The following RPH3AL variants were observed in gnomAD, a reference collection of about 807,000 sequenced individuals.
RPH3AL encodes rabphilin 3A like (without C2 domains), also known as rab effector Noc2.
A neutral mutation model predicts 43.1 loss-of-function variants in RPH3AL; 38 were observed. The ratio of observed to expected loss-of-function variants is 0.88; its 90% CI spans 0.68 to 1.15. The LOEUF is 1.15. Among genes scored for constraint, RPH3AL ranks in the 50% most tolerant of loss-of-function variants. The pLI is 0.00. For missense variants in RPH3AL, 462 were observed against 423.2 expected (o/e 1.09, Z -0.81); for synonymous variants, 189 against 176.3 (o/e 1.07, Z -0.57).
chr17:265,654 C>T (rs2042303056), intron 6 of RPH3AL, among the ~76,000 whole-genome samples: 2 of 152,214 alleles, frequency 1.3e-5, no homozygotes, highest in Admixed American at 6.5e-5. Flanking sequence ...ATAACTCTTT[C>T]CTCATTATTT....
chr17:233,307 CT>C (rs1428499275), intron 7 of RPH3AL, among the ~76,000 whole-genome samples: 1 of 152,132 alleles, frequency 6.6e-6, no homozygotes, highest in Non-Finnish European at 1.5e-5. Context: ...GACACGACCG[CT>C]GGGAGAGAAC....
In RPH3AL at chr17:245,708, C is replaced by T. The variant is rs2041748492; in HGVS notation, c.613+1403G>A. 6.6e-6 allele frequency among the ~76,000 whole-genome samples: 1 copy of T among 152,074 alleles called. No individual in the cohort carries two copies. Among genetic ancestry groups the T allele is most frequent in the Non-Finnish European group, 1.5e-5 (1 of 68,018 alleles). ...CTGAGGTCCAAGGGTGGCAGAGGGA[C>T]CAGGTGGAGGACCGCCACTTCTCCA... On this transcript the variant is annotated intron_variant, in intron 7 of 9. Transcript: ENST00000331302. This position sits in a 1 kb window ranked among gnomAD's most constrained non-coding sequence, Gnocchi z 5.9.
At chr17:304,369 G>T (rs1598053344) in intron 5 of RPH3AL, among the ~76,000 whole-genome samples, 1 of 151,918 alleles carries the variant, frequency 6.6e-6, no homozygotes, top group East Asian at 1.9e-4. Flanking sequence ...GAGGACGCAG[G>T]GAGGCAGAAT....
At chr17:219,820 C>T in intron 7 of RPH3AL, 84 bp from the exon 8 acceptor site, 1 of 982,434 alleles carries the variant, frequency 1.0e-6, no homozygotes, top group Admixed American at 1.7e-5. Context: ...GGCAGGCCTC[C>T]CCAGCTCATT....
chr17:332,019 C>T (rs969068024), intron 2 of RPH3AL: 2 of 529,210 alleles, frequency 3.8e-6, no homozygotes, highest in African/African-American at 4.0e-5. Flanking sequence ...GTTCTGTGGA[C>T]AGGGCTGGTG....
chr17:221,411 GC>G, intron 7 of RPH3AL, among the ~76,000 whole-genome samples: 1 of 136,444 alleles, frequency 7.3e-6, no homozygotes, highest in Non-Finnish European at 1.5e-5. Flanking sequence ...CAGCTCTGAG[GC>G]CTCCACTCAC....
chr17:307,644 A>C (rs1026125231), intron 5 of RPH3AL, among the ~76,000 whole-genome samples: 1 of 152,222 alleles, frequency 6.6e-6, no homozygotes, highest in Non-Finnish European at 1.5e-5. Flanking sequence ...AGCTCCGTCC[A>C]GAAAGCTCTG....
intron 6 of RPH3AL, among the ~76,000 whole-genome samples, chr17:266,435 G>A (rs894203669): frequency 2.6e-5 from 4 of 152,216 alleles, no homozygotes; most frequent in Admixed American, 1.3e-4. Flanking sequence ...GCCTCCCCAT[G>A]CTGCAGGTGG....
chr17:294,363 A>G (rs1300079464), intron 5 of RPH3AL, among the ~76,000 whole-genome samples: 1 of 152,222 alleles, frequency 6.6e-6, no homozygotes, highest in African/African-American at 2.4e-5. Context: ...GCTACTTGGA[A>G]GAATCGTTTG....
intron 6 of RPH3AL, among the ~76,000 whole-genome samples, chr17:268,553 G>GTTTTTTTTTTTTT (rs5818749): frequency 6.7e-5 from 5 of 74,518 alleles, no homozygotes; most frequent in Non-Finnish European, 9.2e-5. Context: ...ATGTTTTTGG[G>GTTTTTTTTTTTTT]TTTTTTTTTT....
At chr17:218,551 C>G (rs1293834400) in intron 8 of RPH3AL, among the ~76,000 whole-genome samples, 1 of 143,210 alleles carries the variant, frequency 7.0e-6, no homozygotes, top group Non-Finnish European at 1.6e-5. Context: ...TAAAATTGGC[C>G]TCCCTGAAAT....
rs185564538 is a variant in RPH3AL at position 326,419 on chromosome 17, G to A, written c.77+1048C>T. On this transcript the variant is annotated intron_variant, in intron 3 of 9. Transcript: ENST00000331302. ...TTGGCATGGGTTGAAGGATGAAGGG[G>A]CCCTTTTGGACTTATCACATGCCAG... Among the ~76,000 whole-genome samples the A allele has an allele frequency of 8.2e-4, 125 of 152,326 alleles. 1 individual carries two copies. The highest frequency in any genetic ancestry group is 6.8e-3 in the Middle Eastern group (2 of 294).
intron 6 of RPH3AL, among the ~76,000 whole-genome samples, chr17:267,901 G>C (rs1282215756): frequency 6.6e-6 from 1 of 152,178 alleles, no homozygotes; most frequent in East Asian, 1.9e-4. Context: ...ATCTACAAAA[G>C]TGTATTTCAT....
chr17:331,662 T>C (rs1330553355), intron 2 of RPH3AL: 1 of 1,288,016 alleles, frequency 7.8e-7, no homozygotes. Flanking sequence ...GCTCCCTGAC[T>C]CGGCAGCAAG....
At chr17:280,774 T>C (rs555344154) in intron 6 of RPH3AL, among the ~76,000 whole-genome samples, 3 of 152,074 alleles carry the variant, frequency 2.0e-5, no homozygotes, top group African/African-American at 7.2e-5. Context: ...GAAAGAGCAG[T>C]TGGGAGCTGT....
At chr17:314,165 G>C (rs2043749084) in intron 5 of RPH3AL, among the ~76,000 whole-genome samples, 1 of 152,204 alleles carries the variant, frequency 6.6e-6, no homozygotes, top group South Asian at 2.1e-4. Context: ...GGCCTCTGCA[G>C]CACAGGCCCT....
intron 5 of RPH3AL, among the ~76,000 whole-genome samples, chr17:315,524 G>GTGACCCCACCTCCATTGACCTGTAA (rs2043983460): frequency 1.4e-5 from 1 of 69,778 alleles, no homozygotes; most frequent in Non-Finnish European, 3.0e-5. Flanking sequence ...TTGACCTGTA[G>GTGACCCCACCTCCATTGACCTGTAA]TCCCTGTGCT....
intron 4 of RPH3AL, among the ~76,000 whole-genome samples, chr17:319,763 C>A (rs1420200866): frequency 6.7e-6 from 1 of 149,412 alleles, no homozygotes; most frequent in Non-Finnish European, 1.5e-5. Flanking sequence ...AATACTGTAG[C>A]AAACAAGCCA....
At chr17:259,136 T>C (rs2042141409) in intron 6 of RPH3AL, among the ~76,000 whole-genome samples, 1 of 152,142 alleles carries the variant, frequency 6.6e-6, no homozygotes, top group African/African-American at 2.4e-5. Flanking sequence ...GCTGTCACTG[T>C]AGTCCAGGTG....
Sources: gnomAD v4.1 joint callset for allele counts (sites outside exome capture counted in the v4.1 genomes callset) on GRCh38, gnomAD v4.1.1 for gene constraint, Gnocchi (gnomAD v3.1) non-coding constraint, MANE v1.5 for transcripts, NCBI Gene and HGNC (gene_info 2026-07-23, HGNC 2026-07-21) for gene names.